MATN2: variants seen among roughly 807,000 people sequenced by gnomAD.
The protein encoded by MATN2 is matrilin-2.
In MATN2, 69 loss-of-function variants were observed where a neutral mutation model predicts 103.2. The ratio of observed to expected loss-of-function variants is 0.67; its 90% CI spans 0.55 to 0.82. The LOEUF (loss-of-function observed/expected upper bound fraction) is 0.82. MATN2 is among the 40% of genes least tolerant of loss of function. MATN2 has a pLI of 0.00. For missense variants in MATN2, 1,023 were observed against 1,211.5 expected (o/e 0.84, Z 2.31); for synonymous variants, 429 against 450.2 (o/e 0.95, Z 0.60).
At chr8:97,938,838 G>A (rs1053506387) in intron 3 of MATN2, among the ~76,000 whole-genome samples, 1 of 152,002 alleles carries the variant, frequency 6.6e-6, no homozygotes, top group African/African-American at 2.4e-5. Flanking sequence ...TCAATACGTA[G>A]CCTTGTTTTA....
chr8:98,024,625 T>C (rs1040414575), intron 13 of MATN2, among the ~76,000 whole-genome samples: 2 of 152,182 alleles, frequency 1.3e-5, no homozygotes, highest in African/African-American at 2.4e-5. Context: ...AGGAGAGGCA[T>C]TGAGGCCCAG....
chr8:97,896,838 G>A (rs1818825787), intron 2 of MATN2, among the ~76,000 whole-genome samples: 1 of 151,858 alleles, frequency 6.6e-6, no homozygotes, highest in African/African-American at 2.4e-5. Flanking sequence ...GCTGGGCAGT[G>A]GGATCAGGTA....
intron 6 of MATN2, among the ~76,000 whole-genome samples, chr8:97,981,021 T>G (rs77809273): frequency 3.3e-5 from 4 of 121,428 alleles, no homozygotes; most frequent in Admixed American, 1.0e-4. Context: ...ACAAAAACTG[T>G]TTTTTTTTTA....
chr8:97,899,043 A>G lies in MATN2; in HGVS notation c.142+10801A>G, dbSNP rs559433255. 4.3e-4 allele frequency among the ~76,000 whole-genome samples: 65 copies of G among 152,072 alleles called. 1 individual carries two copies. Among genetic ancestry groups the G allele is most frequent in the Admixed American group, 2.6e-3 (39 of 15,274 alleles). ...AGTGTTAGGATTACAGGCATAAACC[A>G]CCACACCCCGCCTTCTTGAACTCTT... On this transcript the variant is annotated intron_variant, in intron 2 of 18. Transcript: ENST00000254898.
At chr8:98,003,565 C>T in intron 7 of MATN2, 96 bp from the exon 8 acceptor site, 1 of 1,443,088 alleles carries the variant, frequency 6.9e-7, no homozygotes, top group South Asian at 1.2e-5. Context: ...CACCCACCAG[C>T]CCTCTCCATG....
intron 6 of MATN2, among the ~76,000 whole-genome samples, chr8:97,988,763 T>A (rs907787475): frequency 2.6e-5 from 4 of 151,950 alleles, no homozygotes; most frequent in South Asian, 2.1e-4. Context: ...ACCAAAAATT[T>A]GAAGAAAAAC....
intron 4 of MATN2, chr8:97,952,030 A>G (rs1417030297): frequency 6.6e-6 from 1 of 152,220 alleles, no homozygotes; most frequent in Non-Finnish European, 1.5e-5. Context: ...GAAGACTTCA[A>G]ATCCAAACTG....
chr8:97,970,593 C>G (rs1320052356), intron 5 of MATN2, among the ~76,000 whole-genome samples: 1 of 152,180 alleles, frequency 6.6e-6, no homozygotes, highest in South Asian at 2.1e-4. Context: ...AGGCTTCAGT[C>G]AGGTGCCATA....
chr8:98,028,416 CT>C (rs372934282), intron 14 of MATN2, among the ~76,000 whole-genome samples: 52 of 152,240 alleles, frequency 3.4e-4, no homozygotes, highest in African/African-American at 1.2e-3. Context: ...TGAGGTTTTC[CT>C]GACCTGAGGG....
At chr8:98,014,472 G>T (rs558590985) in intron 10 of MATN2, among the ~76,000 whole-genome samples, 1 of 152,190 alleles carries the variant, frequency 6.6e-6, no homozygotes, top group Non-Finnish European at 1.5e-5. Flanking sequence ...GGGCAAACAG[G>T]AGGGTCCAAC....
At chr8:97,921,099 C>T (rs1381851523) in intron 2 of MATN2, among the ~76,000 whole-genome samples, 1 of 152,210 alleles carries the variant, frequency 6.6e-6, no homozygotes, top group Non-Finnish European at 1.5e-5. Context: ...AGTTTCTACT[C>T]ATTATTCCAT....
intron 6 of MATN2, among the ~76,000 whole-genome samples, chr8:97,984,157 A>T (rs865860172): frequency 6.6e-6 from 1 of 152,166 alleles, no homozygotes; most frequent in East Asian, 1.9e-4. Context: ...TATCCATCCT[A>T]CAATATTCTC....
chr8:97,969,062 G>A (rs1418464619), intron 5 of MATN2, among the ~76,000 whole-genome samples: 1 of 151,582 alleles, frequency 6.6e-6, no homozygotes, highest in East Asian at 1.9e-4. Context: ...CAAGGCAAAA[G>A]CCAAAGGGGG....
intron 6 of MATN2, among the ~76,000 whole-genome samples, chr8:97,987,275 C>T (rs928154177): frequency 2.0e-5 from 3 of 152,116 alleles, no homozygotes; most frequent in African/African-American, 7.2e-5. Context: ...GCAACACACA[C>T]CGGGGCCTGT....
At chr8:98,026,178 C>CA (rs71271184) in intron 13 of MATN2, among the ~76,000 whole-genome samples, 11,205 of 108,814 alleles carry the variant, frequency 0.1, 960 homozygotes, top group East Asian at 0.33. Flanking sequence ...GACTCAATCT[C>CA]AAAAAAAAAA....
At chr8:97,918,944 G>A (rs930825242) in intron 2 of MATN2, among the ~76,000 whole-genome samples, 12 of 152,124 alleles carry the variant, frequency 7.9e-5, no homozygotes, top group Admixed American at 6.5e-4. Flanking sequence ...TTTATTTTCT[G>A]AACCTAATTG....
intron 10 of MATN2, among the ~76,000 whole-genome samples, chr8:98,010,003 G>A (rs978250801): frequency 4.6e-5 from 7 of 152,318 alleles, no homozygotes; most frequent in African/African-American, 1.2e-4. Context: ...CACAGGGTCC[G>A]CTCCCCGCTT....
At position 97,961,366 on chromosome 8, in the gene MATN2, G is replaced by T. The variant is rs780741058; in HGVS notation, c.836-42G>T. The T allele has an allele frequency of 1.6e-5, 25 of 1,561,604 alleles. No individual in the cohort carries two copies. The African/African-American group carries it at 3.3e-4, about 20-fold the overall frequency. On this transcript the variant is annotated intron_variant, in intron 4 of 18. Transcript: ENST00000254898. ...CACCCTGGGCTGGGAGCATTCTCAGGTGTGCCTGACGTTGTGTTCTAACAT... is the reference window on the plus strand; with the variant it reads ...CACCCTGGGCTGGGAGCATTCTCAGTTGTGCCTGACGTTGTGTTCTAACAT...
At chr8:97,984,152 A>T (rs1348777755) in intron 6 of MATN2, among the ~76,000 whole-genome samples, 1 of 152,180 alleles carries the variant, frequency 6.6e-6, no homozygotes, top group African/African-American at 2.4e-5. Flanking sequence ...CCAACTATCC[A>T]TCCTACAATA....
Sources: gnomAD v4.1 joint callset for allele counts (sites outside exome capture counted in the v4.1 genomes callset) on GRCh38, gnomAD v4.1.1 for gene constraint, MANE v1.5 for transcripts, NCBI Gene and HGNC (gene_info 2026-07-23, HGNC 2026-07-21) for gene names.